The following ZNF646 variants were observed in gnomAD, a reference collection of about 807,000 sequenced individuals.
ZNF646 encodes zinc finger protein 646.
In ZNF646, 49 loss-of-function variants were observed where a neutral mutation model predicts 115.4. The ratio of observed to expected loss-of-function variants is 0.42; its 90% CI spans 0.34 to 0.54. The LOEUF (loss-of-function observed/expected upper bound fraction) is 0.54. ZNF646 is among the 20% of genes least tolerant of loss of function. The probability of loss-of-function intolerance (pLI) is 0.04; values close to 1 mark genes in which losing one functional copy is unlikely to be tolerated. For synonymous variants in ZNF646, 933 were observed against 939.0 expected (o/e 0.99, Z 0.12); for missense variants, 2,269 against 2,457.9 (o/e 0.92, Z 1.62).
At position 31,079,069 on chromosome 16, in the gene ZNF646, G is replaced by A. The variant is rs763562136; in HGVS notation, c.2745G>A (p.Glu915=). 6.3e-7 allele frequency: 1 copy of A among 1,576,358 alleles called. No individual in the cohort carries two copies. The highest frequency in any genetic ancestry group is 1.7e-5 in the Admixed American group (1 of 58,172). Residue 915 remains glutamate (E), a synonymous_variant, in exon 2 of 3, where the codon GAG becomes GAA. Coordinates refer to ENST00000300850, the MANE Select transcript of ZNF646 (RefSeq NM_014699.4). The surrounding 1 kb of genome is among the most constrained non-coding windows in gnomAD (Gnocchi z 5.5). ...CTGGCATGACTGAGGGCTCAGAGGA[G>A]GAGGGGGAAGAGGAAGGAGTGGCAG... is the stretch of plus-strand genomic sequence containing the variant. ...SSSGMTEGSE[E]EGEEEGVAEA...
In ZNF646 at chr16:31,078,278, C is replaced by T; in HGVS notation, c.1954C>T (p.His652Tyr). ...GDFSCGACAK[H>Y]FHTMAAMKNH... is the part of the protein sequence containing the mutation. ...CTTCAGTTGTGGGGCCTGTGCCAAG[C>T]ACTTCCACACCATGGCTGCCATGAA... The change falls in exon 2 of 3, where the codon CAC becomes TAC. Residue 652 changes from histidine (H) to tyrosine (Y), a missense_variant. This residue lies in a region of ZNF646 where 852 missense variants were observed against 900.2 expected (regional missense o/e 0.95). Transcript: ENST00000300850. 6.2e-7 allele frequency: 1 copy of T among 1,613,668 alleles called. No homozygotes were observed. The highest frequency in any genetic ancestry group is 1.1e-5 in the South Asian group (1 of 91,086).
At chr16:31,082,603 A>T in intron 2 of ZNF646, 1 of 265,046 alleles carries the variant, frequency 3.8e-6, no homozygotes. Flanking sequence ...CGGTTCCCTC[A>T]GCAGGACCTG....
At position 31,078,664 on chromosome 16, in the gene ZNF646, T is replaced by A. The variant is rs369049332; in HGVS notation, c.2340T>A (p.Gly780=). ...DNLDIPGEEG[G]GTHFCDSLTG... is the part of the protein sequence containing the mutation. ...TGGACATCCCAGGTGAGGAAGGTGGTGGCACTCACTTCTGCGATAGCCTCA... is the reference window on the plus strand; with the variant it reads ...TGGACATCCCAGGTGAGGAAGGTGGAGGCACTCACTTCTGCGATAGCCTCA... The change falls in exon 2 of 3, where the codon GGT becomes GGA. Residue 780 remains glycine (G), a synonymous_variant. Transcript: ENST00000300850. 4 of 1,614,048 alleles carry A rather than the reference T, an allele frequency of 2.5e-6. No homozygotes were observed. The highest frequency in any genetic ancestry group is 3.4e-6 in the Non-Finnish European group (4 of 1,180,032).
In ZNF646 at chr16:31,079,989, G is replaced by A. The variant is rs747073642; in HGVS notation, c.3665G>A (p.Arg1222Gln). 7.9e-5 allele frequency: 127 copies of A among 1,607,680 alleles called. No homozygotes were observed. The highest frequency in any genetic ancestry group is 1.0e-4 in the Non-Finnish European group (120 of 1,175,600). Residue 1222 changes from arginine to glutamine, a missense_variant, in exon 2 of 3, where the codon CGG (arginine) becomes CAG (glutamine). Physicochemically the swap from Arg to Gln is conservative, Grantham distance 43. Transcript: ENST00000300850. The surrounding 1 kb of genome is among the most constrained non-coding windows in gnomAD (Gnocchi z 5.5). Reference sequence around the variant, plus strand: ...CACGCCGGCAGCCTCATCAACCACCGGCAGAGCCACCAGACCGGCCACTTT... The same window carrying A: ...CACGCCGGCAGCCTCATCAACCACCAGCAGAGCCACCAGACCGGCCACTTT... Reference protein sequence around the residue: ...YKHAGSLINHRQSHQTGHFGC... With the variant: ...YKHAGSLINHQQSHQTGHFGC...
chr16:31,079,770 T>G lies in ZNF646; in HGVS notation c.3446T>G (p.Val1149Gly). 6.2e-7 allele frequency: 1 copy of G among 1,612,828 alleles called. No individual in the cohort carries two copies. The highest frequency in any genetic ancestry group is 1.1e-5 in the South Asian group (1 of 91,018). ...MAEEGPGQAEVEKLQEELKVE... is the reference protein window; with the variant it reads ...MAEEGPGQAEGEKLQEELKVE... ...GAGGAGGGGCCGGGGCAAGCAGAAG[T>G]CGAGAAGCTCCAGGAAGAACTTAAA... Residue 1149 changes from valine to glycine, a missense_variant, in exon 2 of 3, where the codon GTC becomes GGC. Coordinates refer to ENST00000300850, the MANE Select transcript of ZNF646 (RefSeq NM_014699.4). This position sits in a 1 kb window ranked among gnomAD's most constrained non-coding sequence, Gnocchi z 5.5.
At position 31,084,191 on chromosome 16, in the gene ZNF646, A is replaced by T. The variant is rs1234539711; in HGVS notation, c.*1099A>T. Reference sequence around the variant, plus strand: ...TCGGCGAAGTAGACCTGCCAGTCCAAACTGCTGACCCAGTCCTCATAGGCA... The same window carrying T: ...TCGGCGAAGTAGACCTGCCAGTCCATACTGCTGACCCAGTCCTCATAGGCA... On this transcript the variant is annotated 3_prime_UTR_variant, in exon 3 of 3. Transcript: ENST00000300850. 1 of 1,610,058 alleles carries T rather than the reference A, an allele frequency of 6.2e-7. No homozygotes were observed. The highest frequency in any genetic ancestry group is 1.1e-5 in the South Asian group (1 of 90,120).
At position 31,079,956 on chromosome 16, in the gene ZNF646, C is replaced by A. The variant is rs764663302; in HGVS notation, c.3632C>A (p.Ser1211Tyr). The A allele has an allele frequency of 8.7e-6, 14 of 1,610,644 alleles. No individual in the cohort carries two copies. Among genetic ancestry groups the A allele is most frequent in the Non-Finnish European group, 1.2e-5 (14 of 1,177,702 alleles). Residue 1211 changes from serine (S) to tyrosine (Y), a missense_variant, in exon 2 of 3, where the codon TCC (serine) becomes TAC (tyrosine). This residue lies in a region of ZNF646 where 1,062 missense variants were observed against 1,172.8 expected (regional missense o/e 0.91). Transcript: ENST00000300850. The surrounding 1 kb of genome is among the most constrained non-coding windows in gnomAD (Gnocchi z 5.5). ...TTCAGCTGCGAGGTGTGTGGCCGAT[C>A]CTACAAGCACGCCGGCAGCCTCATC... The part of the protein sequence containing the change: ...RPFSCEVCGR[S>Y]YKHAGSLINH...
In ZNF646 at chr16:31,080,669, T is replaced by G. The variant is rs746874885; in HGVS notation, c.4345T>G (p.Ser1449Ala). The change falls in exon 2 of 3, where the codon TCA (serine) becomes GCA (alanine). Residue 1449 changes from serine (S) to alanine (A), a missense_variant. Physicochemically the swap from Ser to Ala is moderately conservative, Grantham distance 99. This residue lies in a region of ZNF646 where 1,062 missense variants were observed against 1,172.8 expected (regional missense o/e 0.91). Transcript: ENST00000300850. ...RSQSPIRAAS[S>A]EAPEPLSWGA... ...TCAGAGCCCCATCAGGGCAGCAAGC[T>G]CAGAAGCCCCAGAGCCACTGTCCTG... 3 of 1,613,732 alleles carry G rather than the reference T, an allele frequency of 1.9e-6. No homozygotes were observed. Among genetic ancestry groups the G allele is most frequent in the African/African-American group, 1.3e-5 (1 of 74,850 alleles).
rs1238195796 is a variant in ZNF646 at position 31,078,691 on chromosome 16, T to G, written c.2367T>G (p.Thr789=). The G allele has an allele frequency of 6.2e-7, 1 of 1,613,904 alleles. No individual in the cohort carries two copies. Among genetic ancestry groups the G allele is most frequent in the African/African-American group, 1.3e-5 (1 of 74,922 alleles). The change falls in exon 2 of 3, where the codon ACT becomes ACG. Residue 789 remains threonine (T), a synonymous_variant. Coordinates refer to ENST00000300850, the MANE Select transcript of ZNF646 (RefSeq NM_014699.4). The part of the protein sequence containing the change: ...GGGTHFCDSL[T]GVDEDQKPAT... Reference sequence around the variant, plus strand: ...GCACTCACTTCTGCGATAGCCTCACTGGGGTGGATGAAGACCAGAAGCCAG... The same window carrying G: ...GCACTCACTTCTGCGATAGCCTCACGGGGGTGGATGAAGACCAGAAGCCAG...
In ZNF646 at chr16:31,078,501, A is replaced by G; in HGVS notation, c.2177A>G (p.Asp726Gly). The change falls in exon 2 of 3, where the codon GAT (aspartate) becomes GGT (glycine). Residue 726 changes from aspartate (D) to glycine (G), a missense_variant. Asp to Gly is a moderately conservative substitution (Grantham distance 94, BLOSUM62 -1). Coordinates refer to ENST00000300850, the MANE Select transcript of ZNF646 (RefSeq NM_014699.4). ...GGGGCTGAAGGCAACCTGGAAAGTGATGGGGACTGTTTGCAGGCTGAATCT... is the reference window on the plus strand; with the variant it reads ...GGGGCTGAAGGCAACCTGGAAAGTGGTGGGGACTGTTTGCAGGCTGAATCT... ...PHGAEGNLES[D>G]GDCLQAESEG... 1 of 1,592,348 alleles carries G rather than the reference A, an allele frequency of 6.3e-7. No homozygotes were observed. Among genetic ancestry groups the G allele is most frequent in the Non-Finnish European group, 8.6e-7 (1 of 1,166,660 alleles).
rs1202462424 is a variant in ZNF646, at chr16:31,076,679, G to A, written c.355G>A (p.Gly119Ser). ...CAAGGAAGCCACTCCACACCTCCAG[G>A]GTGAGACGGTGTCCACTGACTCCTG... The part of the protein sequence containing the change: ...RPKEATPHLQ[G>S]ETVSTDSWGQ... The change falls in exon 2 of 3, where the codon GGT (glycine) becomes AGT (serine). Residue 119 changes from glycine (G) to serine (S), a missense_variant. Gly to Ser is a moderately conservative substitution (Grantham distance 56, BLOSUM62 0). This residue lies in a region of ZNF646 where 334 missense variants were observed against 323.5 expected (regional missense o/e 1.03). Coordinates refer to ENST00000300850, the MANE Select transcript of ZNF646 (RefSeq NM_014699.4). The A allele has an allele frequency of 6.2e-7, 1 of 1,613,256 alleles. No homozygotes were observed. The highest frequency in any genetic ancestry group is 8.5e-7 in the Non-Finnish European group (1 of 1,179,862).
chr16:31,078,534 A>T lies in ZNF646; in HGVS notation c.2210A>T (p.Asp737Val). The T allele has an allele frequency of 6.3e-7, 1 of 1,599,202 alleles. No individual in the cohort carries two copies. Among genetic ancestry groups the T allele is most frequent in the East Asian group, 2.2e-5 (1 of 44,600 alleles). The change falls in exon 2 of 3, where the codon GAC (aspartate) becomes GTC (valine). Residue 737 changes from aspartate (D) to valine (V), a missense_variant. Transcript: ENST00000300850. ...GDCLQAESEG[D>V]KCGLERDETH... ...TGTTTGCAGGCTGAATCTGAAGGGG[A>T]CAAATGTGGGCTTGAGAGGGATGAG...
chr16:31,080,086 T>G lies in ZNF646; in HGVS notation c.3762T>G (p.Asp1254Glu). Residue 1254 changes from aspartate (D) to glutamate (E), a missense_variant, in exon 2 of 3, where the codon GAT becomes GAG. Asp to Glu is a conservative substitution (Grantham distance 45, BLOSUM62 2). Coordinates refer to ENST00000300850, the MANE Select transcript of ZNF646 (RefSeq NM_014699.4). ...SLKNHRRIHA[D>E]PRRFRCSECG... is the part of the protein sequence containing the mutation. Reference sequence around the variant, plus strand: ...AGAACCACCGGCGCATCCATGCAGATCCCCGACGTTTCCGCTGCAGCGAGT... The same window carrying G: ...AGAACCACCGGCGCATCCATGCAGAGCCCCGACGTTTCCGCTGCAGCGAGT... 1 of 1,612,966 alleles carries G rather than the reference T, an allele frequency of 6.2e-7. No individual in the cohort carries two copies. The highest frequency in any genetic ancestry group is 8.5e-7 in the Non-Finnish European group (1 of 1,179,860).
Position 31,080,612 on chromosome 16 carries a change from G to C in ZNF646, c.4288G>C (p.Glu1430Gln), listed in dbSNP as rs940478744. 4 of 1,614,064 alleles carry C rather than the reference G, an allele frequency of 2.5e-6. No homozygotes were observed. Among genetic ancestry groups the C allele is most frequent in the African/African-American group, 2.7e-5 (2 of 74,936 alleles). The change falls in exon 2 of 3, where the codon GAG becomes CAG. Residue 1430 changes from glutamate to glutamine, a missense_variant. Glu to Gln is a conservative substitution (Grantham distance 29). This residue lies in a region of ZNF646 where 1,062 missense variants were observed against 1,172.8 expected (regional missense o/e 0.91). Coordinates refer to ENST00000300850, the MANE Select transcript of ZNF646 (RefSeq NM_014699.4). ...LGGAEPVPHL[E>Q]DGVPRPGERS... ...TGGTGCTGAGCCAGTACCCCACTTG[G>C]AGGATGGAGTCCCAAGGCCAGGGGA...
In ZNF646 at chr16:31,083,201, TCC is replaced by T. The variant is rs554489262; in HGVS notation, c.*112_*113del. ...TCGGGCATCCCCATATCTTCTCCTCTCCCCTTGTGAAGAGGACCCAGATCTGG... is the reference window on the plus strand; with the variant it reads ...TCGGGCATCCCCATATCTTCTCCTCTCCTTGTGAAGAGGACCCAGATCTGG... On this transcript the variant is annotated 3_prime_UTR_variant, in exon 3 of 3. Transcript: ENST00000300850. 2.2e-4 allele frequency: 313 copies of T among 1,454,108 alleles called. 1 individual carries two copies. The East Asian group carries it at 7.3e-3, about 34-fold the overall frequency. The allele number at this position is 1,454,108 out of a possible 1,614,324, so 90.1% of individuals were successfully genotyped here.
chr16:31,079,704 CCAT>C lies in ZNF646; in HGVS notation c.3382_3384del (p.Ile1128del), dbSNP rs764496731. ...GGTAGCAGTGAGCTGCAGGTTGGGC[CCAT>C]CCCAGAAGGAGGCAGCAACAAGCCC... On this transcript the variant is annotated inframe_deletion, in exon 2 of 3. Coordinates refer to ENST00000300850, the MANE Select transcript of ZNF646 (RefSeq NM_014699.4). This position sits in a 1 kb window ranked among gnomAD's most constrained non-coding sequence, Gnocchi z 5.5. 4 of 1,613,570 alleles carry C rather than the reference CCAT, an allele frequency of 2.5e-6. No individual in the cohort carries two copies. The Admixed American group carries it at 6.7e-5, about 27-fold the overall frequency.
Position 31,080,410 on chromosome 16 carries a change from A to C in ZNF646, c.4086A>C (p.Thr1362=). Residue 1362 remains threonine (T), a synonymous_variant, in exon 2 of 3, where the codon ACA becomes ACC. Coordinates refer to ENST00000300850, the MANE Select transcript of ZNF646 (RefSeq NM_014699.4). The stretch of plus-strand genomic sequence containing the variant: ...GACGGGCTGGACGGTCCAGGCGCAC[A>C]GCTGTGCGTTGCGCCCTCTGTGGCC... ...RRRRAGRSRR[T]AVRCALCGRS... is the part of the protein sequence containing the mutation. The C allele has an allele frequency of 6.2e-7, 1 of 1,613,174 alleles. No individual in the cohort carries two copies. The highest frequency in any genetic ancestry group is 8.5e-7 in the Non-Finnish European group (1 of 1,179,888).
Position 31,079,109 on chromosome 16 carries a change from C to G in ZNF646, c.2785C>G (p.Arg929Gly), listed in dbSNP as rs757373121. 194 of 1,585,882 alleles carry G rather than the reference C, an allele frequency of 1.2e-4. No homozygotes were observed. The highest frequency in any genetic ancestry group is 1.6e-4 in the Non-Finnish European group (185 of 1,162,974). ...EEGVAEAAPA[R>G]SPPLQLSEAE... ...AGGAGTGGCAGAGGCAGCCCCTGCA[C>G]GCAGTCCACCACTGCAGCTCTCGGA... The change falls in exon 2 of 3, where the codon CGC becomes GGC. Residue 929 changes from arginine to glycine, a missense_variant. Physicochemically the swap from Arg to Gly is moderately radical, Grantham distance 125. Coordinates refer to ENST00000300850, the MANE Select transcript of ZNF646 (RefSeq NM_014699.4). The surrounding 1 kb of genome is among the most constrained non-coding windows in gnomAD (Gnocchi z 5.5).
At position 31,078,481 on chromosome 16, in the gene ZNF646, T is replaced by C. The variant is rs770204215; in HGVS notation, c.2157T>C (p.Ala719=). The part of the protein sequence containing the change: ...QDPSGESPHG[A]EGNLESDGDC... ...CTTCAGGGGAAAGTCCTCATGGGGCTGAAGGCAACCTGGAAAGTGATGGGG... is the reference window on the plus strand; with the variant it reads ...CTTCAGGGGAAAGTCCTCATGGGGCCGAAGGCAACCTGGAAAGTGATGGGG... Residue 719 remains alanine (A), a synonymous_variant, in exon 2 of 3, where the codon GCT becomes GCC. Transcript: ENST00000300850. The C allele has an allele frequency of 2.5e-6, 4 of 1,589,452 alleles. No individual in the cohort carries two copies. The highest frequency in any genetic ancestry group is 3.4e-6 in the Non-Finnish European group (4 of 1,165,178).
Sources: allele counts gnomAD v4.1 joint callset, GRCh38; gene constraint gnomAD v4.1.1; regional missense constraint gnomAD v4.1.1; non-coding constraint Gnocchi (gnomAD v3.1); transcripts MANE v1.5; gene names NCBI Gene and HGNC (gene_info 2026-07-23, HGNC 2026-07-21).